RTTN: variants seen among roughly 807,000 people sequenced by gnomAD.
RTTN encodes the protein rotatin.
RTTN carries 182 observed loss-of-function variants against 269.2 expected under a neutral mutation model. That is an observed-to-expected ratio of 0.68 (90% CI 0.60 to 0.76). The LOEUF is 0.76. Among genes scored for constraint, RTTN ranks in the 30% least tolerant of loss-of-function variants. The probability of loss-of-function intolerance (pLI) is 0.00; values close to 1 mark genes in which losing one functional copy is unlikely to be tolerated. For synonymous variants in RTTN, 1,006 were observed against 963.5 expected (o/e 1.04, Z -0.82); for missense variants, 2,545 against 2,608.6 (o/e 0.98, Z 0.53).
intron 18 of RTTN, among the ~76,000 whole-genome samples, chr18:70,144,977 T>C (rs769813140): frequency 1.3e-5 from 2 of 152,226 alleles, no homozygotes; most frequent in Non-Finnish European, 2.9e-5. Context: ...CAGTCCAGTA[T>C]GCTATAGGTA....
intron 21 of RTTN, chr18:70,139,020 A>T (rs912128552): frequency 1.3e-5 from 2 of 151,922 alleles, no homozygotes; most frequent in East Asian, 1.9e-4. Flanking sequence ...AAAACAGAGA[A>T]GACAGGAAGG....
In RTTN at chr18:70,017,646, A is replaced by G; in HGVS notation, c.6182T>C (p.Leu2061Pro). 6.2e-7 allele frequency: 1 copy of G among 1,612,880 alleles called. No homozygotes were observed. The highest frequency in any genetic ancestry group is 8.5e-7 in the Non-Finnish European group (1 of 1,179,250). ...KSNFLQNFLS[L>P]ALPKGGNKHL... is the part of the protein sequence containing the mutation. ...TTTATTTCCTCCTTTTGGCAATGCT[A>G]GAGAGAGGAAGTTCTGTAAGAAGTT... The change falls in exon 46 of 49, where the codon CTA becomes CCA. Residue 2061 changes from leucine to proline, a missense_variant. Coordinates refer to ENST00000640769, the MANE Select transcript of RTTN (RefSeq NM_173630.4).
intron 11 of RTTN, among the ~76,000 whole-genome samples, chr18:70,173,987 G>A (rs2061217453): frequency 6.6e-6 from 1 of 152,130 alleles, no homozygotes; most frequent in Non-Finnish European, 1.5e-5. Flanking sequence ...AGAAAGGAGT[G>A]TGGCTTGGAG....
intron 5 of RTTN, among the ~76,000 whole-genome samples, chr18:70,197,966 A>G (rs1189366677): frequency 6.6e-6 from 1 of 152,108 alleles, no homozygotes; most frequent in Non-Finnish European, 1.5e-5. Context: ...TTGATTTTGC[A>G]TTCCCCACTA....
chr18:70,063,264 G>C (rs1470078803), intron 35 of RTTN, among the ~76,000 whole-genome samples: 1 of 152,142 alleles, frequency 6.6e-6, no homozygotes, highest in African/African-American at 2.4e-5. Flanking sequence ...AGAATGTACT[G>C]CCAATACTTA....
At chr18:70,149,343 A>G (rs2060477789) in intron 16 of RTTN, among the ~76,000 whole-genome samples, 1 of 151,988 alleles carries the variant, frequency 6.6e-6, no homozygotes, top group Non-Finnish European at 1.5e-5. Flanking sequence ...CACCTCACAG[A>G]TCCTCAGCCC....
intron 27 of RTTN, among the ~76,000 whole-genome samples, chr18:70,113,419 C>A (rs1447674257): frequency 1.3e-5 from 2 of 152,156 alleles, no homozygotes; most frequent in African/African-American, 4.8e-5. Flanking sequence ...ATGAAACACT[C>A]ATACATTGCT....
intron 14 of RTTN, among the ~76,000 whole-genome samples, chr18:70,159,345 T>C (rs2060766811): frequency 6.6e-6 from 1 of 152,190 alleles, no homozygotes; most frequent in Non-Finnish European, 1.5e-5. Flanking sequence ...GACTTTTGAG[T>C]AAAGAATGAA....
rs747095536 is a variant in RTTN at position 70,204,109 on chromosome 18, G to A, written c.374C>T (p.Ala125Val). The A allele has an allele frequency of 4.3e-6, 7 of 1,612,630 alleles. No individual in the cohort carries two copies. In the Admixed American group the frequency reaches 1.0e-4, roughly 23 times the overall value. The stretch of plus-strand genomic sequence containing the variant: ...ACCAGTTTGATTGGTTTGGTATGAG[G>A]CAGAAGATAGTGCAGGAACTTCCGA... The part of the protein sequence containing the change: ...LPSEVPALSS[A>V]SYQTNQTELS... The change falls in exon 3 of 49, where the codon GCC becomes GTC. Residue 125 changes from alanine (A) to valine (V), a missense_variant. Physicochemically the swap from Ala to Val is moderately conservative, Grantham distance 64. Coordinates refer to ENST00000640769, the MANE Select transcript of RTTN (RefSeq NM_173630.4).
At chr18:70,077,911 G>A (rs2058469814) in intron 32 of RTTN, among the ~76,000 whole-genome samples, 1 of 151,428 alleles carries the variant, frequency 6.6e-6, no homozygotes, top group Admixed American at 6.6e-5. Flanking sequence ...AAATACAAAA[G>A]GAAATCAGAG....
At chr18:70,186,258 A>G (rs1161359238) in intron 10 of RTTN, among the ~76,000 whole-genome samples, 1 of 152,214 alleles carries the variant, frequency 6.6e-6, no homozygotes, top group East Asian at 1.9e-4. Context: ...AAATGAATAA[A>G]CTACAGTAAG....
intron 27 of RTTN, 110 bp from the exon 28 acceptor site, chr18:70,109,827 G>C: frequency 2.5e-6 from 2 of 809,606 alleles, no homozygotes; most frequent in South Asian, 3.5e-5. Context: ...AGAAAAAAAT[G>C]AACCAGACAA....
chr18:70,200,190 G>A (rs982179095), intron 4 of RTTN, among the ~76,000 whole-genome samples: 1 of 152,126 alleles, frequency 6.6e-6, no homozygotes, highest in Non-Finnish European at 1.5e-5. Context: ...GCATGGAATC[G>A]CTAAATGTGG....
intron 10 of RTTN, among the ~76,000 whole-genome samples, chr18:70,180,591 G>GAAAAAAAAAA (rs34828958): frequency 1.1e-5 from 1 of 95,076 alleles, no homozygotes; most frequent in Non-Finnish European, 2.1e-5. Context: ...CTGGGGAAGA[G>GAAAAAAAAAA]AAAAAAAAAA....
At chr18:70,185,159 A>G (rs2061518785) in intron 10 of RTTN, among the ~76,000 whole-genome samples, 1 of 152,168 alleles carries the variant, frequency 6.6e-6, no homozygotes, top group African/African-American at 2.4e-5. Flanking sequence ...CATAAAAAAA[A>G]AAGTTCATTC....
intron 15 of RTTN, 25 bp from the exon 16 acceptor site, chr18:70,150,112 A>C (rs1173743339): frequency 6.7e-7 from 1 of 1,484,946 alleles, no homozygotes; most frequent in Non-Finnish European, 9.4e-7. Flanking sequence ...AGACCCGATA[A>C]ACCAGTCAAA....
intron 35 of RTTN, among the ~76,000 whole-genome samples, chr18:70,062,451 T>C (rs952815506): frequency 2.0e-5 from 3 of 152,142 alleles, no homozygotes; most frequent in Non-Finnish European, 4.4e-5. Context: ...TCTACACAAA[T>C]AGATACACGT....
At chr18:70,162,433 A>T (rs890050989) in intron 14 of RTTN, among the ~76,000 whole-genome samples, 1 of 152,232 alleles carries the variant, frequency 6.6e-6, no homozygotes, top group Non-Finnish European at 1.5e-5. Flanking sequence ...TGGGTAATAC[A>T]TAAGGAAAGA....
At chr18:70,004,407 CAA>C (rs1172832598) in intron 48 of RTTN, among the ~76,000 whole-genome samples, 171 bp from the exon 49 acceptor site, 1 of 151,874 alleles carries the variant, frequency 6.6e-6, no homozygotes, top group Non-Finnish European at 1.5e-5. Context: ...AAAAAATAAA[CAA>C]GTTACAAAAT....
Sources: allele counts gnomAD v4.1 joint callset (sites outside exome capture counted in the v4.1 genomes callset), GRCh38; gene constraint gnomAD v4.1.1; transcripts MANE v1.5; gene names NCBI Gene and HGNC (gene_info 2026-07-23, HGNC 2026-07-21).